The following CCDC88C variants were observed in gnomAD, a reference collection of about 807,000 sequenced individuals.
CCDC88C encodes the protein coiled-coil and HOOK domain protein 88C, also known as protein Daple.
CCDC88C carries 131 observed loss-of-function variants against 198.8 expected under a neutral mutation model. That is an observed-to-expected ratio of 0.66 (90% CI 0.57 to 0.76). CCDC88C has a LOEUF of 0.76. Among genes scored for constraint, CCDC88C ranks in the 30% least tolerant of loss-of-function variants. The pLI is 0.00. For missense variants in CCDC88C, 2,553 were observed against 2,631.6 expected, an observed-to-expected ratio of 0.97 and a Z score of 0.65; for synonymous variants, 1,166 against 1,114.7, an observed-to-expected ratio of 1.05 and a Z score of -0.92.
At chr14:91,302,270 C>T (rs893989799) in intron 20 of CCDC88C, among the ~76,000 whole-genome samples, 2 of 152,210 alleles carry the variant, frequency 1.3e-5, no homozygotes, top group African/African-American at 4.8e-5. Flanking sequence ...GTTGAGGCGG[C>T]TCCAAAGGAT....
At chr14:91,278,534 C>T (rs17723680) in intron 28 of CCDC88C, among the ~76,000 whole-genome samples, 1,671 of 152,324 alleles carry the variant, frequency 0.011, 22 homozygotes, top group Middle Eastern at 0.037. Context: ...GTGCTAGGGG[C>T]TAAATGTACA....
intron 5 of CCDC88C, among the ~76,000 whole-genome samples, chr14:91,343,088 G>T (rs568132347): frequency 2.0e-5 from 3 of 152,114 alleles, no homozygotes; most frequent in South Asian, 2.1e-4. Context: ...CCGAGTAGCC[G>T]GGACTACAGG....
intron 13 of CCDC88C, among the ~76,000 whole-genome samples, chr14:91,318,573 T>G (rs1035616020): frequency 1.3e-5 from 2 of 152,104 alleles, no homozygotes. Flanking sequence ...AGGAGCCTCG[T>G]AGAAGTCCCA....
intron 3 of CCDC88C, chr14:91,379,228 T>C (rs997743392): frequency 2.6e-5 from 4 of 152,364 alleles, no homozygotes; most frequent in Admixed American, 2.6e-4. Flanking sequence ...TGACCCAGCA[T>C]CACAAACTAA....
At chr14:91,322,480 C>T (rs531076703) in intron 12 of CCDC88C, among the ~76,000 whole-genome samples, 1 of 152,266 alleles carries the variant, frequency 6.6e-6, no homozygotes, top group East Asian at 1.9e-4. Flanking sequence ...AACACACACA[C>T]ACTCCACATA....
intron 4 of CCDC88C, among the ~76,000 whole-genome samples, chr14:91,344,655 G>A (rs943859843): frequency 6.6e-6 from 1 of 151,362 alleles, no homozygotes; most frequent in Non-Finnish European, 1.5e-5. Flanking sequence ...GGGACTACAG[G>A]CGGCCACCAC....
chr14:91,317,224 T>C (rs903232580), intron 13 of CCDC88C, among the ~76,000 whole-genome samples: 1 of 152,200 alleles, frequency 6.6e-6, no homozygotes, highest in African/African-American at 2.4e-5. Context: ...GAGAGAAAGA[T>C]GTTTTAACTT....
chr14:91,315,642 G>A lies in CCDC88C; in HGVS notation c.1665+8C>T, dbSNP rs367983032. On this transcript the variant is annotated splice_region_variant and intron_variant, in intron 14 of 29. Transcript: ENST00000389857. The stretch of plus-strand genomic sequence containing the variant: ...TCTAGGAGAGGCGTTAGTGGTGGAG[G>A]CACCTACCTGCCTGGCTTTGTCAGC... The A allele has an allele frequency of 2.1e-4, 346 of 1,613,792 alleles. 1 individual carries two copies. The African/African-American group carries it at 4.3e-3, about 20-fold the overall frequency.
At chr14:91,317,204 C>T (rs1473826398) in intron 13 of CCDC88C, among the ~76,000 whole-genome samples, 1 of 152,180 alleles carries the variant, frequency 6.6e-6, no homozygotes, top group Non-Finnish European at 1.5e-5. Context: ...CATGGAGGTG[C>T]CTTGAGTTAG....
rs1893170472 is a variant in CCDC88C, at chr14:91,338,709, G to T, written c.810-139C>A. The T allele has an allele frequency of 1.6e-6, 1 of 637,998 alleles. No individual in the cohort carries two copies. Among genetic ancestry groups the T allele is most frequent in the Non-Finnish European group, 2.8e-6 (1 of 358,952 alleles). 39.5% of individuals were successfully genotyped at this position (637,998 alleles called of 1,614,324 possible). On this transcript the variant is annotated intron_variant, in intron 8 of 29. Transcript: ENST00000389857. The surrounding 1 kb of genome is among the most constrained non-coding windows in gnomAD (Gnocchi z 4.8). ...GGCGGTGGGGAGGCGATCTGCTTAT[G>T]GGGCCTGCAAAAATGTTACTGACTC... is the stretch of plus-strand genomic sequence containing the variant.
At position 91,381,746 on chromosome 14, in the gene CCDC88C, A is replaced by T. The variant is rs1457822845; in HGVS notation, c.271-22035T>A. ...GTACTTGGGAGGCTGAGGCAGGAGA[A>T]TCGCTTGAACCCAGGAGGCAGAGGT... is the stretch of plus-strand genomic sequence containing the variant. On this transcript the variant is annotated intron_variant, in intron 3 of 29. Transcript: ENST00000389857. The surrounding 1 kb of genome is among the most constrained non-coding windows in gnomAD (Gnocchi z 4.2). Among the ~76,000 whole-genome samples, 1 of 152,198 alleles carries T rather than the reference A, an allele frequency of 6.6e-6. No homozygotes were observed. Among genetic ancestry groups the T allele is most frequent in the Non-Finnish European group, 1.5e-5 (1 of 68,034 alleles).
At chr14:91,299,481 G>A (rs1379971596) in intron 21 of CCDC88C, among the ~76,000 whole-genome samples, 3 of 152,206 alleles carry the variant, frequency 2.0e-5, no homozygotes, top group Non-Finnish European at 2.9e-5. Context: ...AGTGACTCCC[G>A]CATTTCACCA....
At chr14:91,400,913 T>C (rs1285826) in intron 3 of CCDC88C, among the ~76,000 whole-genome samples, 8,111 of 152,252 alleles carry the variant, frequency 0.053, 869 homozygotes, top group East Asian at 0.46. Context: ...GAATGACTTA[T>C]GTACCAAGTA....
At chr14:91,343,056 G>A (rs1893371873) in intron 5 of CCDC88C, among the ~76,000 whole-genome samples, 1 of 152,198 alleles carries the variant, frequency 6.6e-6, no homozygotes. Context: ...CTGCACTCAA[G>A]TGATCCTCTC....
intron 25 of CCDC88C, among the ~76,000 whole-genome samples, chr14:91,286,998 G>A (rs1890436311): frequency 1.3e-5 from 2 of 152,212 alleles, no homozygotes; most frequent in East Asian, 1.9e-4. Context: ...CCAAGACATG[G>A]TGGCTGCTAG....
chr14:91,322,571 T>C (rs1454839203), intron 12 of CCDC88C, among the ~76,000 whole-genome samples: 1 of 152,164 alleles, frequency 6.6e-6, no homozygotes, highest in Non-Finnish European at 1.5e-5. Flanking sequence ...CAAATAAGAC[T>C]CCATTATTTC....
chr14:91,411,157 C>T (rs1398853957), intron 2 of CCDC88C, among the ~76,000 whole-genome samples: 2 of 152,174 alleles, frequency 1.3e-5, no homozygotes, highest in African/African-American at 4.8e-5. Context: ...TATCAGGACA[C>T]TAATCAAAAC....
At position 91,289,091 on chromosome 14, in the gene CCDC88C, A is replaced by C. The variant is rs1890544623; in HGVS notation, c.4441+14T>G. The C allele has an allele frequency of 6.2e-7, 1 of 1,606,204 alleles. No individual in the cohort carries two copies. The highest frequency in any genetic ancestry group is 2.2e-5 in the East Asian group (1 of 44,826). ...CCTTCCTCACCCGACCACGGCCAGG[A>C]CGGCCGCCCCTACCTTTCCCCACAG... On this transcript the variant is annotated intron_variant, in intron 25 of 29. Coordinates refer to ENST00000389857, the MANE Select transcript of CCDC88C (RefSeq NM_001080414.4).
At chr14:91,394,926 TGGG>T (rs1364441703) in intron 3 of CCDC88C, among the ~76,000 whole-genome samples, 2 of 151,878 alleles carry the variant, frequency 1.3e-5, no homozygotes, top group Non-Finnish European at 2.9e-5. Flanking sequence ...GGGCCTTGGG[TGGG>T]GGGCCTGCCT....
Sources: allele counts gnomAD v4.1 joint callset (sites outside exome capture counted in the v4.1 genomes callset), GRCh38; gene constraint gnomAD v4.1.1; non-coding constraint Gnocchi (gnomAD v3.1); transcripts MANE v1.5; gene names NCBI Gene and HGNC (gene_info 2026-07-23, HGNC 2026-07-21).